PCDHGB2: variants seen among roughly 807,000 people sequenced by gnomAD.
The protein encoded by PCDHGB2 is protocadherin gamma-B2.
A neutral mutation model predicts 59.3 loss-of-function variants in PCDHGB2; 55 were observed. The ratio of observed to expected loss-of-function variants is 0.93; its 90% CI spans 0.75 to 1.16. The LOEUF (loss-of-function observed/expected upper bound fraction) is 1.16, where lower values mean the gene tolerates loss of function less well. Ranked by LOEUF, PCDHGB2 falls within the 50% of genes most tolerant of loss-of-function variation. PCDHGB2 has a pLI of 0.00. For synonymous variants in PCDHGB2, 516 were observed against 512.0 expected (o/e 1.01, Z -0.11); for missense variants, 1,228 against 1,198.5 (o/e 1.02, Z -0.36).
At chr5:141,447,197 T>C (rs1249080495) in intron 1 of PCDHGB2, among the ~76,000 whole-genome samples, 7 of 152,188 alleles carry the variant, frequency 4.6e-5, no homozygotes, top group Admixed American at 4.6e-4. Context: ...TGGAGTGCAA[T>C]GGCTTGATCT....
intron 1 of PCDHGB2, chr5:141,366,212 A>C: frequency 6.2e-7 from 1 of 1,613,804 alleles, no homozygotes; most frequent in African/African-American, 1.3e-5. Context: ...CGAGGTGCGC[A>C]CAGCGCGAGC....
chr5:141,466,016 G>A (rs1592991828), intron 1 of PCDHGB2, among the ~76,000 whole-genome samples: 2 of 152,032 alleles, frequency 1.3e-5, no homozygotes, highest in East Asian at 3.9e-4. Flanking sequence ...CAGCTACTCG[G>A]GAGGGTGAGG....
chr5:141,429,169 T>TACGC (rs2097190400), intron 1 of PCDHGB2: 1 of 145,394 alleles, frequency 6.9e-6, no homozygotes, highest in Non-Finnish European at 1.5e-5. Flanking sequence ...ACATTGTTTA[T>TACGC]ACACACACAC....
At chr5:141,460,741 A>G (rs1378900827) in intron 1 of PCDHGB2, among the ~76,000 whole-genome samples, 1 of 152,128 alleles carries the variant, frequency 6.6e-6, no homozygotes, top group Non-Finnish European at 1.5e-5. Flanking sequence ...CACATTGTAT[A>G]TATATGTGTA....
intron 1 of PCDHGB2, chr5:141,413,818 G>T: frequency 6.2e-7 from 1 of 1,613,138 alleles, no homozygotes; most frequent in Non-Finnish European, 8.5e-7. Context: ...TCACCACCTG[G>T]TCCTCACCGC....
At chr5:141,413,390 C>T (rs1373497766) in intron 1 of PCDHGB2, 1 of 1,614,010 alleles carries the variant, frequency 6.2e-7, no homozygotes, top group African/African-American at 1.3e-5. Context: ...CGCATAGTCT[C>T]CAGAGGTAGG....
chr5:141,420,311 T>G (rs762191274), intron 1 of PCDHGB2: 1 of 1,454,814 alleles, frequency 6.9e-7, no homozygotes, highest in Non-Finnish European at 9.3e-7. Flanking sequence ...CTTTTTATAT[T>G]ACAATATGCC....
At chr5:141,403,171 G>C (rs542727163) in intron 1 of PCDHGB2, 1 of 1,614,042 alleles carries the variant, frequency 6.2e-7, no homozygotes, top group Admixed American at 1.7e-5. Flanking sequence ...GTAGGACGCA[G>C]CTTTTCTCTC....
intron 1 of PCDHGB2, chr5:141,389,333 C>T (rs753436946): frequency 6.2e-7 from 1 of 1,614,016 alleles, no homozygotes; most frequent in South Asian, 1.1e-5. Flanking sequence ...GGCCCAACGG[C>T]CAAGTCTCTT....
At position 141,432,374 on chromosome 5, in the gene PCDHGB2, C is replaced by G; in HGVS notation, c.2422-62433C>G. The G allele has an allele frequency of 6.2e-7, 1 of 1,614,240 alleles. No individual in the cohort carries two copies. The highest frequency in any genetic ancestry group is 1.1e-5 in the South Asian group (1 of 91,082). ...GAAAGTGATGGCGCGGGACAACGGG[C>G]ACCCGCCCCTCAGCAGCAACGTGTC... On this transcript the variant is annotated intron_variant, in intron 1 of 3. Transcript: ENST00000522605. The surrounding 1 kb of genome is among the most constrained non-coding windows in gnomAD (Gnocchi z 6.0).
intron 1 of PCDHGB2, chr5:141,404,371 C>G (rs374054833): frequency 1.5e-5 from 25 of 1,613,774 alleles, no homozygotes; most frequent in Non-Finnish European, 2.0e-5. Context: ...CCATCTTCTC[C>G]GTGATTGCCT....
At chr5:141,430,767 C>T in intron 1 of PCDHGB2, 1 of 1,506,782 alleles carries the variant, frequency 6.6e-7, no homozygotes, top group Non-Finnish European at 8.9e-7. Flanking sequence ...AGAATGATTC[C>T]TGCGCGACTG....
intron 1 of PCDHGB2, chr5:141,418,485 A>T: frequency 6.2e-7 from 1 of 1,614,028 alleles, no homozygotes; most frequent in Non-Finnish European, 8.5e-7. Flanking sequence ...AGCGCTCACC[A>T]CTTGGTACTG....
At chr5:141,440,115 A>G (rs921555018) in intron 1 of PCDHGB2, 4 of 152,250 alleles carry the variant, frequency 2.6e-5, no homozygotes, top group African/African-American at 4.8e-5. Flanking sequence ...TTACTTGTGA[A>G]TGACTGAATG....
At chr5:141,427,280 A>G (rs1351534612) in intron 1 of PCDHGB2, 3 of 456,834 alleles carry the variant, frequency 6.6e-6, no homozygotes, top group Non-Finnish European at 8.8e-6. Context: ...GTAAAATTAT[A>G]CTAGAAATCC....
chr5:141,385,962 A>G (rs997092778), intron 1 of PCDHGB2: 1 of 152,264 alleles, frequency 6.6e-6, no homozygotes, highest in Admixed American at 6.5e-5. Context: ...ACTAAAGGCC[A>G]TCGGACAAAA....
At chr5:141,425,822 A>G (rs1257213242) in intron 1 of PCDHGB2, among the ~76,000 whole-genome samples, 1 of 152,240 alleles carries the variant, frequency 6.6e-6, no homozygotes, top group Non-Finnish European at 1.5e-5. Context: ...GAAAAAAACA[A>G]ACTTTTAAAT....
chr5:141,404,167 G>C, intron 1 of PCDHGB2: 1 of 1,612,946 alleles, frequency 6.2e-7, no homozygotes, highest in South Asian at 1.1e-5. Context: ...ACAGATTGTT[G>C]ACGGCCCAAA....
intron 1 of PCDHGB2, chr5:141,371,783 G>C (rs1396118548): frequency 6.2e-7 from 1 of 1,613,986 alleles, no homozygotes. Context: ...ATGTAGCTGA[G>C]AACAATCCGC....
Sources: gnomAD v4.1 joint callset for allele counts (sites outside exome capture counted in the v4.1 genomes callset) on GRCh38, gnomAD v4.1.1 for gene constraint, Gnocchi (gnomAD v3.1) non-coding constraint, MANE v1.5 for transcripts, NCBI Gene and HGNC (gene_info 2026-07-23, HGNC 2026-07-21) for gene names.